The following MTA3 variants were observed in gnomAD, a reference collection of about 807,000 sequenced individuals.
MTA3 encodes the protein metastasis-associated protein MTA3.
A neutral mutation model predicts 83.5 loss-of-function variants in MTA3; 34 were observed. The ratio of observed to expected loss-of-function variants is 0.41; its 90% CI spans 0.31 to 0.54. The LOEUF is 0.54. MTA3 is among the 20% of genes least tolerant of loss of function. The pLI is 0.33. For missense variants in MTA3, 761 were observed against 726.4 expected, an observed-to-expected ratio of 1.05 and a Z score of -0.55; for synonymous variants, 303 against 252.7, an observed-to-expected ratio of 1.20 and a Z score of -1.89.
intron 4 of MTA3, among the ~76,000 whole-genome samples, chr2:42,637,725 A>T (rs1197860810): frequency 6.6e-6 from 1 of 152,186 alleles, no homozygotes; most frequent in East Asian, 1.9e-4. Flanking sequence ...AACTTAGATC[A>T]CTTATTATCC....
At chr2:42,606,223 C>A (rs796138371) in intron 3 of MTA3, among the ~76,000 whole-genome samples, 1 of 119,910 alleles carries the variant, frequency 8.3e-6, no homozygotes, top group South Asian at 3.1e-4. Flanking sequence ...CCCTCCCGGA[C>A]GGGGTGGCTG....
intron 8 of MTA3, among the ~76,000 whole-genome samples, chr2:42,669,102 T>G (rs983193400): frequency 3.6e-4 from 50 of 140,466 alleles, no homozygotes; most frequent in African/African-American, 1.1e-3. Context: ...TTTTTTTTTT[T>G]GGGAGGTAGT....
intron 2 of MTA3, among the ~76,000 whole-genome samples, chr2:42,557,493 A>G (rs1428211189): frequency 1.3e-5 from 2 of 152,090 alleles, no homozygotes; most frequent in Non-Finnish European, 2.9e-5. Flanking sequence ...AAAAGGTCAA[A>G]CTGCCTCCAG....
At chr2:42,567,584 T>C (rs537697063), upstream of MTA3, among the ~76,000 whole-genome samples, 298 of 151,948 alleles carry the variant, frequency 2.0e-3, 1 homozygote, top group African/African-American at 6.6e-3. Context: ...TGGAATGGAC[T>C]GGCTTCTCTA....
chr2:42,723,223 C>A, intron 16 of MTA3, 188 bp downstream of exon 16: 1 of 661,956 alleles, frequency 1.5e-6, no homozygotes, highest in Non-Finnish European at 2.5e-6. Context: ...TCCATCCCAT[C>A]AGGAGGTACT....
At chr2:42,611,841 A>C (rs535577590) in intron 4 of MTA3, among the ~76,000 whole-genome samples, 1 of 152,168 alleles carries the variant, frequency 6.6e-6, no homozygotes, top group Non-Finnish European at 1.5e-5. Context: ...GGTGAGATAG[A>C]TAAATAGATA....
At chr2:42,690,112 T>G (rs543804523) in intron 9 of MTA3, among the ~76,000 whole-genome samples, 1 of 152,240 alleles carries the variant, frequency 6.6e-6, no homozygotes, top group Admixed American at 6.5e-5. Context: ...TGACCATGCC[T>G]GTGAATGAAT....
chr2:42,696,568 C>T (rs1156609385), intron 10 of MTA3, among the ~76,000 whole-genome samples: 1 of 151,992 alleles, frequency 6.6e-6, no homozygotes, highest in African/African-American at 2.4e-5. Flanking sequence ...TATACAGTGG[C>T]AAGTATTAGA....
At chr2:42,498,584 A>G (rs1674254154) in intron 2 of MTA3, among the ~76,000 whole-genome samples, 2 of 152,178 alleles carry the variant, frequency 1.3e-5, no homozygotes, top group Admixed American at 6.5e-5. Flanking sequence ...CATATATGTA[A>G]CATACATCGT....
chr2:42,554,493 G>C (rs892432623), intron 2 of MTA3, among the ~76,000 whole-genome samples: 2 of 152,132 alleles, frequency 1.3e-5, no homozygotes, highest in Non-Finnish European at 2.9e-5. Flanking sequence ...GCTGTTCTTA[G>C]AGGAAAGAAG....
intron 4 of MTA3, among the ~76,000 whole-genome samples, chr2:42,635,703 G>A (rs565026364): frequency 6.6e-6 from 1 of 152,148 alleles, no homozygotes; most frequent in East Asian, 1.9e-4. Context: ...TTTCTTTAAT[G>A]AAGCAATAAT....
intron 2 of MTA3, among the ~76,000 whole-genome samples, chr2:42,534,202 G>C (rs547917066): frequency 1.3e-5 from 2 of 152,240 alleles, no homozygotes; most frequent in African/African-American, 4.8e-5. Flanking sequence ...GCATAGAGCA[G>C]GAATCTTCAC....
chr2:42,568,076 G>A (rs1431667936), upstream of MTA3: 1 of 152,222 alleles, frequency 6.6e-6, no homozygotes, highest in African/African-American at 2.4e-5. Context: ...GAATCTTCCT[G>A]GCCCTAGAGC....
intron 8 of MTA3, among the ~76,000 whole-genome samples, chr2:42,676,485 G>C (rs1691359436): frequency 6.6e-6 from 1 of 152,140 alleles, no homozygotes; most frequent in Admixed American, 6.6e-5. Context: ...ATTTCTTTTG[G>C]CTAGATGCAG....
intron 2 of MTA3, 42 bp downstream of exon 2, chr2:42,570,546 A>C: frequency 8.2e-7 from 1 of 1,219,838 alleles, no homozygotes; most frequent in African/African-American, 1.5e-5. Flanking sequence ...AAAAATATTT[A>C]TTTTCCCTTG....
At chr2:42,563,720 C>T (rs375701237), upstream of MTA3, among the ~76,000 whole-genome samples, 10 of 152,268 alleles carry the variant, frequency 6.6e-5, no homozygotes, top group East Asian at 1.7e-3. Flanking sequence ...CCCACCTCGG[C>T]CTCCCAAAGT....
intron 4 of MTA3, among the ~76,000 whole-genome samples, chr2:42,611,933 C>G (rs1285734017): frequency 6.6e-6 from 1 of 152,142 alleles, no homozygotes; most frequent in Non-Finnish European, 1.5e-5. Flanking sequence ...TCCTGAATGG[C>G]TGGGACTACA....
chr2:42,644,159 C>T lies in MTA3; in HGVS notation c.414C>T (p.Pro138=). The T allele has an allele frequency of 6.2e-7, 1 of 1,611,632 alleles. No homozygotes were observed. Residue 138 remains proline (P), a synonymous_variant, in exon 6 of 17, where the codon CCC becomes CCT. Coordinates refer to ENST00000405094, the MANE Select transcript of MTA3 (RefSeq NM_001330442.2). Reference sequence around the variant, plus strand: ...TCTTCTACTCATTGGTCTATGACCCCTCATTGAAAACACTATTAGCTGACA... The same window carrying T: ...TCTTCTACTCATTGGTCTATGACCCTTCATTGAAAACACTATTAGCTGACA... ...DTFFYSLVYD[P]SLKTLLADKG... is the part of the protein sequence containing the mutation.
At chr2:42,574,227 T>C (rs1190346290) in intron 2 of MTA3, among the ~76,000 whole-genome samples, 1 of 150,140 alleles carries the variant, frequency 6.7e-6, no homozygotes, top group Non-Finnish European at 1.5e-5. Flanking sequence ...CTCTGCCTCC[T>C]GGGTTCAAGC....
Sources: allele counts gnomAD v4.1 joint callset (sites outside exome capture counted in the v4.1 genomes callset), GRCh38; gene constraint gnomAD v4.1.1; transcripts MANE v1.5; gene names NCBI Gene and HGNC (gene_info 2026-07-23, HGNC 2026-07-21).